The following CSMD1 variants were observed in gnomAD, a reference collection of about 807,000 sequenced individuals.
CSMD1 encodes the protein CUB and sushi domain-containing protein 1.
CSMD1 carries 213 observed loss-of-function variants against 417.5 expected under a neutral mutation model. That is an observed-to-expected ratio of 0.51 (90% CI 0.46 to 0.57). The LOEUF is 0.57. Ranked by LOEUF, CSMD1 falls within the 20% of genes least tolerant of loss-of-function variation. The pLI is 0.00. For missense variants in CSMD1, 6,923 were observed against 4,529.7 expected, an observed-to-expected ratio of 1.53 and a Z score of -15.17; for synonymous variants, 2,862 against 1,736.8, an observed-to-expected ratio of 1.65 and a Z score of -16.11.
chr8:4,445,652 T>C (rs1798740407), intron 2 of CSMD1, among the ~76,000 whole-genome samples: 1 of 152,176 alleles, frequency 6.6e-6, no homozygotes, highest in South Asian at 2.1e-4. Context: ...AAAGTAAGGT[T>C]ATTGAAGCCA....
intron 2 of CSMD1, among the ~76,000 whole-genome samples, chr8:4,454,163 A>G (rs1799329320): frequency 6.6e-6 from 1 of 151,838 alleles, no homozygotes; most frequent in Non-Finnish European, 1.5e-5. Flanking sequence ...GAGCAGATTC[A>G]GCCTATTATC....
At chr8:3,303,767 G>T (rs1192758108) in intron 25 of CSMD1, among the ~76,000 whole-genome samples, 1 of 152,164 alleles carries the variant, frequency 6.6e-6, no homozygotes, top group African/African-American at 2.4e-5. Context: ...AAATATGCTG[G>T]ATCTCTTAGA....
intron 2 of CSMD1, among the ~76,000 whole-genome samples, chr8:4,459,991 A>G (rs1484606759): frequency 6.6e-6 from 1 of 152,188 alleles, no homozygotes; most frequent in Non-Finnish European, 1.5e-5. Context: ...CAGACTAGAC[A>G]ACCAAAATAG....
At chr8:3,627,683 G>A (rs1171417581) in intron 7 of CSMD1, among the ~76,000 whole-genome samples, 1 of 152,112 alleles carries the variant, frequency 6.6e-6, no homozygotes, top group African/African-American at 2.4e-5. Flanking sequence ...AATGTTTTAT[G>A]GTAAGCACGT....
At chr8:3,914,891 A>G (rs1808711515) in intron 5 of CSMD1, among the ~76,000 whole-genome samples, 1 of 152,152 alleles carries the variant, frequency 6.6e-6, no homozygotes, top group Non-Finnish European at 1.5e-5. Flanking sequence ...TGCTGCTGAA[A>G]TCTTACAGAA....
intron 3 of CSMD1, among the ~76,000 whole-genome samples, chr8:4,156,379 C>G (rs564565554): frequency 2.0e-5 from 3 of 152,090 alleles, no homozygotes; most frequent in African/African-American, 7.2e-5. Context: ...AATGCAGAAG[C>G]CAATGGCAAG....
intron 35 of CSMD1, among the ~76,000 whole-genome samples, 194 bp downstream of exon 35, chr8:3,188,692 TA>T (rs199554119): frequency 0.14 from 20,953 of 151,986 alleles, 1,815 homozygotes; most frequent in Admixed American, 0.21. Context: ...GAAAAATGGT[TA>T]GAAATATTTT....
intron 5 of CSMD1, among the ~76,000 whole-genome samples, chr8:3,777,641 G>C (rs916891840): frequency 6.6e-6 from 1 of 152,188 alleles, no homozygotes; most frequent in Non-Finnish European, 1.5e-5. Flanking sequence ...CCAGCAACAA[G>C]AACTCCTCCA....
At chr8:4,167,200 G>C (rs1026567242) in intron 3 of CSMD1, among the ~76,000 whole-genome samples, 8 of 152,072 alleles carry the variant, frequency 5.3e-5, no homozygotes, top group Non-Finnish European at 1.2e-4. Context: ...CAGAGGGCCT[G>C]TATTTTAACT....
intron 5 of CSMD1, among the ~76,000 whole-genome samples, chr8:3,990,032 G>C (rs17068416): frequency 0.26 from 40,065 of 152,170 alleles, 5,566 homozygotes; most frequent in African/African-American, 0.35. Context: ...AGGAATAAAT[G>C]AGAGTTAAGC....
intron 1 of CSMD1, chr8:4,787,857 C>T: frequency 6.4e-7 from 1 of 1,574,202 alleles, no homozygotes; most frequent in African/African-American, 1.3e-5. Flanking sequence ...CCTGGTTGCC[C>T]CAGAATTGTA....
chr8:3,456,267 G>C (rs1280545056), intron 12 of CSMD1, among the ~76,000 whole-genome samples: 1 of 151,846 alleles, frequency 6.6e-6, no homozygotes, highest in Non-Finnish European at 1.5e-5. Flanking sequence ...CATAGGTGGG[G>C]CGATGCCTTG....
intron 5 of CSMD1, among the ~76,000 whole-genome samples, chr8:3,769,829 A>C (rs1044857178): frequency 6.6e-6 from 1 of 152,174 alleles, no homozygotes; most frequent in African/African-American, 2.4e-5. Context: ...TTGAATCAGC[A>C]CTTTTATTTC....
Position 3,223,836 on chromosome 8 carries a change from T to C in CSMD1, c.4377A>G (p.Ala1459=), listed in dbSNP as rs754233313. Residue 1459 remains alanine, a synonymous_variant, in exon 28 of 70, where the codon GCA becomes GCG. Coordinates refer to ENST00000635120, the MANE Select transcript of CSMD1 (RefSeq NM_033225.6). The part of the protein sequence containing the change: ...AACGGNLTGP[A]GVILSPNYPQ... The stretch of plus-strand genomic sequence containing the variant: ...GGTAGTTGGGTGACAAAATAACACC[T>C]GCTGGGCCCGTCAGATTCCCTCCAC... The C allele has an allele frequency of 3.1e-6, 5 of 1,613,722 alleles. No individual in the cohort carries two copies. The highest frequency in any genetic ancestry group is 1.3e-5 in the African/African-American group (1 of 74,898).
intron 8 of CSMD1, among the ~76,000 whole-genome samples, chr8:3,602,716 TAC>T (rs34593924): frequency 0.14 from 20,354 of 146,250 alleles, 2,334 homozygotes; most frequent in African/African-American, 0.31. Context: ...CAGGAAGAAT[TAC>T]ACACACACAC....
Position 3,591,936 on chromosome 8 carries a change from T to C in CSMD1, c.1098-5676A>G, listed in dbSNP as rs1433203208. Among the ~76,000 whole-genome samples the C allele has an allele frequency of 5.3e-5, 8 of 152,076 alleles. No individual in the cohort carries two copies. In the East Asian group the frequency reaches 7.8e-4, roughly 15 times the overall value. ...TGGATTAGACAGATACATAGATGGA[T>C]AGATACACAGATGCATGGATAGATG... On this transcript the variant is annotated intron_variant, in intron 8 of 69. Transcript: ENST00000635120.
intron 3 of CSMD1, among the ~76,000 whole-genome samples, chr8:4,228,605 T>C (rs867148920): frequency 1.2e-4 from 18 of 150,928 alleles, no homozygotes; most frequent in African/African-American, 3.2e-4. Context: ...TTTTTTTTTT[T>C]CCTACCCTCA....
chr8:4,258,561 G>A (rs1182334194), intron 3 of CSMD1, among the ~76,000 whole-genome samples: 1 of 145,744 alleles, frequency 6.9e-6, no homozygotes, highest in Non-Finnish European at 1.5e-5. Flanking sequence ...GAGGGAGGGA[G>A]GGAGGGAAGA....
At chr8:4,296,696 GTTTT>G (rs371696159) in intron 3 of CSMD1, among the ~76,000 whole-genome samples, 5 of 114,868 alleles carry the variant, frequency 4.4e-5, no homozygotes, top group African/African-American at 1.3e-4. Flanking sequence ...GAAAATAAGG[GTTTT>G]TTTTTTTTTT....
Sources: allele counts gnomAD v4.1 joint callset (sites outside exome capture counted in the v4.1 genomes callset), GRCh38; gene constraint gnomAD v4.1.1; transcripts MANE v1.5; gene names NCBI Gene and HGNC (gene_info 2026-07-23, HGNC 2026-07-21).